ADAM18: variants seen among roughly 807,000 people sequenced by gnomAD.
ADAM18 encodes ADAM metallopeptidase domain 18.
In ADAM18, 117 loss-of-function variants were observed where a neutral mutation model predicts 94.4. That is an observed-to-expected ratio of 1.24 (90% CI 1.07 to 1.45). ADAM18 has a LOEUF of 1.45. Among genes scored for constraint, ADAM18 ranks in the 40% most tolerant of loss-of-function variants. The pLI is 0.00. For synonymous variants in ADAM18, 327 were observed against 291.6 expected (o/e 1.12, Z -1.24); for missense variants, 936 against 880.0 (o/e 1.06, Z -0.81).
intron 12 of ADAM18, among the ~76,000 whole-genome samples, chr8:39,652,355 A>C (rs945214525): frequency 1.3e-5 from 2 of 152,200 alleles, no homozygotes; most frequent in African/African-American, 4.8e-5. Context: ...CAATAGCAGG[A>C]AAACAATCCA....
chr8:39,709,838 A>G lies in ADAM18; in HGVS notation c.2017+2934A>G, dbSNP rs146959113. ...ATAATATCAATTTTTGTGAATAACA[A>G]TGAATAAAGGCATGTTGATCAATGT... On this transcript the variant is annotated intron_variant, in intron 18 of 19. Coordinates refer to ENST00000265707, the MANE Select transcript of ADAM18 (RefSeq NM_014237.3). Among the ~76,000 whole-genome samples the G allele has an allele frequency of 4.5e-3, 682 of 152,360 alleles. 4 individuals are homozygous for G. Among genetic ancestry groups the G allele is most frequent in the Middle Eastern group, 0.037 (11 of 294 alleles).
chr8:39,686,978 T>C (rs1332724955), intron 16 of ADAM18, among the ~76,000 whole-genome samples: 1 of 152,218 alleles, frequency 6.6e-6, no homozygotes, highest in Non-Finnish European at 1.5e-5. Flanking sequence ...GTTGACCACA[T>C]TGATTTTTTA....
chr8:39,668,690 A>G (rs1439596699), intron 14 of ADAM18, among the ~76,000 whole-genome samples: 13 of 152,172 alleles, frequency 8.5e-5, no homozygotes, highest in Admixed American at 3.9e-4. Flanking sequence ...AGTAATTTTA[A>G]TAAGACTTGT....
chr8:39,668,597 A>G (rs1482379604), intron 14 of ADAM18, among the ~76,000 whole-genome samples: 1 of 152,100 alleles, frequency 6.6e-6, no homozygotes, highest in Non-Finnish European at 1.5e-5. Flanking sequence ...TTCCTAACTG[A>G]GGAATAACTG....
chr8:39,723,594 G>A (rs1031871172), intron 18 of ADAM18, among the ~76,000 whole-genome samples, 154 bp from the exon 19 acceptor site: 2 of 151,436 alleles, frequency 1.3e-5, no homozygotes, highest in Non-Finnish European at 3.0e-5. Context: ...GAAAAATATA[G>A]CACTGTAGTT....
At chr8:39,654,184 G>C (rs1305375492) in intron 12 of ADAM18, among the ~76,000 whole-genome samples, 3 of 135,440 alleles carry the variant, frequency 2.2e-5, no homozygotes, top group Admixed American at 7.6e-5. Context: ...TGGAGACAGA[G>C]TCTCGCTGAG....
chr8:39,650,738 C>T (rs1820509302), intron 12 of ADAM18, among the ~76,000 whole-genome samples: 1 of 152,152 alleles, frequency 6.6e-6, no homozygotes, highest in African/African-American at 2.4e-5. Context: ...TCAATGTAAT[C>T]TCTATCAAAA....
intron 7 of ADAM18, among the ~76,000 whole-genome samples, chr8:39,630,727 A>G (rs535065103): frequency 2.5e-4 from 38 of 152,054 alleles, no homozygotes; most frequent in African/African-American, 8.2e-4. Context: ...TGGTAGACAT[A>G]ATTTCTTTTG....
intron 6 of ADAM18, among the ~76,000 whole-genome samples, chr8:39,624,910 G>A (rs2129578898): frequency 1.3e-5 from 2 of 152,274 alleles, no homozygotes; most frequent in Admixed American, 1.3e-4. Context: ...CATGCTTCCT[G>A]TACAGCCTGT....
chr8:39,637,042 T>G, intron 7 of ADAM18, among the ~76,000 whole-genome samples: 1 of 143,034 alleles, frequency 7.0e-6, no homozygotes, highest in African/African-American at 2.6e-5. Flanking sequence ...TATATATATA[T>G]ATATATATAT....
chr8:39,721,369 G>C lies in ADAM18; in HGVS notation c.2018-2379G>C, dbSNP rs1460287359. The stretch of plus-strand genomic sequence containing the variant: ...ATAGGCAAATAATTTATGACTCAAA[G>C]ACCTCAAAAACAAATGCAACGAAAG... On this transcript the variant is annotated intron_variant, in intron 18 of 19. Transcript: ENST00000265707. 2.0e-5 allele frequency among the ~76,000 whole-genome samples: 3 copies of C among 151,312 alleles called. No individual in the cohort carries two copies. In the East Asian group the frequency reaches 5.8e-4, roughly 29 times the overall value.
At chr8:39,729,541 GTA>G (rs986396776) in intron 19 of ADAM18, among the ~76,000 whole-genome samples, 16 of 152,182 alleles carry the variant, frequency 1.1e-4, no homozygotes, top group African/African-American at 3.6e-4. Context: ...GAAACAAAGT[GTA>G]TAAAACTGAA....
intron 6 of ADAM18, among the ~76,000 whole-genome samples, chr8:39,624,991 A>G (rs1466688046): frequency 6.6e-6 from 1 of 152,202 alleles, no homozygotes; most frequent in Non-Finnish European, 1.5e-5. Flanking sequence ...TAGCAGTGCA[A>G]GAATGGACTA....
At chr8:39,634,097 A>C (rs1457748776) in intron 7 of ADAM18, among the ~76,000 whole-genome samples, 2 of 152,098 alleles carry the variant, frequency 1.3e-5, no homozygotes, top group Non-Finnish European at 2.9e-5. Flanking sequence ...AGACTTGCAC[A>C]CCAGGGCCAC....
At chr8:39,714,857 C>T (rs1449010479) in intron 18 of ADAM18, among the ~76,000 whole-genome samples, 2 of 152,022 alleles carry the variant, frequency 1.3e-5, no homozygotes, top group African/African-American at 4.8e-5. Context: ...ACAATTTTTT[C>T]TTTGAGGACC....
Position 39,609,041 on chromosome 8 carries a change from G to A in ADAM18, c.189-1G>A, listed in dbSNP as rs1447688262. 2.6e-6 allele frequency: 4 copies of A among 1,535,150 alleles called. No individual in the cohort carries two copies. Among genetic ancestry groups the A allele is most frequent in the African/African-American group, 2.8e-5 (2 of 71,302 alleles). On this transcript the variant is annotated splice_acceptor_variant, in intron 3 of 19. Coordinates refer to ENST00000265707, the MANE Select transcript of ADAM18 (RefSeq NM_014237.3). LOFTEE classifies it high-confidence loss of function. ...TTTTTTATTATTTCTTGGTTTTTTA[G>A]ATCATTCTTACCCCAGAACTTTTTG...
chr8:39,679,960 C>T, intron 15 of ADAM18, 77 bp from the exon 16 acceptor site: 1 of 1,361,582 alleles, frequency 7.3e-7, no homozygotes, highest in Non-Finnish European at 1.0e-6. Context: ...AGTATGTTAC[C>T]ATTATGCAGT....
At chr8:39,649,551 G>A (rs896784851) in intron 12 of ADAM18, among the ~76,000 whole-genome samples, 1 of 152,110 alleles carries the variant, frequency 6.6e-6, no homozygotes, top group Non-Finnish European at 1.5e-5. Flanking sequence ...AACACAATCT[G>A]GGGCTAGGTT....
At chr8:39,704,931 G>A (rs984778664) in intron 17 of ADAM18, among the ~76,000 whole-genome samples, 3 of 152,088 alleles carry the variant, frequency 2.0e-5, no homozygotes, top group Admixed American at 6.6e-5. Context: ...TTGGAGGGGT[G>A]GGGAACTGGA....
Sources: gnomAD v4.1 joint callset for allele counts (sites outside exome capture counted in the v4.1 genomes callset) on GRCh38, gnomAD v4.1.1 for gene constraint, MANE v1.5 for transcripts, NCBI Gene and HGNC (gene_info 2026-07-23, HGNC 2026-07-21) for gene names.